ERICH6B: variants seen among roughly 807,000 people sequenced by gnomAD.
The protein encoded by ERICH6B is glutamate-rich protein 6B.
ERICH6B carries 69 observed loss-of-function variants against 80.0 expected under a neutral mutation model. The observed-to-expected ratio is 0.86, with a 90% confidence interval of 0.71 to 1.05. The LOEUF is 1.05. ERICH6B is among the 50% of genes least tolerant of loss of function. The probability of loss-of-function intolerance (pLI) is 0.00; values close to 1 mark genes in which losing one functional copy is unlikely to be tolerated. For synonymous variants in ERICH6B, 283 were observed against 291.9 expected, an observed-to-expected ratio of 0.97 and a Z score of 0.31; for missense variants, 754 against 796.1, an observed-to-expected ratio of 0.95 and a Z score of 0.64.
chr13:45,553,926 A>G (rs1392279916), intron 11 of ERICH6B, among the ~76,000 whole-genome samples: 1 of 152,194 alleles, frequency 6.6e-6, no homozygotes, highest in Non-Finnish European at 1.5e-5. Flanking sequence ...AAGTCAAGCT[A>G]TTTAACATAT....
intron 1 of ERICH6B, among the ~76,000 whole-genome samples, chr13:45,610,718 T>C (rs1449820849): frequency 6.6e-6 from 1 of 152,168 alleles, no homozygotes; most frequent in Non-Finnish European, 1.5e-5. Context: ...TGGTAAGAAT[T>C]TGTGCATCTA....
chr13:45,551,543 C>T (rs975785823), intron 11 of ERICH6B: 2 of 152,156 alleles, frequency 1.3e-5, no homozygotes, highest in African/African-American at 4.8e-5. Flanking sequence ...CCAGGCTCAG[C>T]TCTGCTTAAC....
chr13:45,554,219 T>C (rs1195097875), intron 11 of ERICH6B, among the ~76,000 whole-genome samples: 1 of 152,224 alleles, frequency 6.6e-6, no homozygotes, highest in South Asian at 2.1e-4. Context: ...CATAAAGTAT[T>C]TGACTTTCTG....
intron 5 of ERICH6B, among the ~76,000 whole-genome samples, chr13:45,582,148 A>T (rs1169022517): frequency 1.3e-5 from 2 of 152,200 alleles, no homozygotes; most frequent in African/African-American, 4.8e-5. Context: ...CGTAGTCTCC[A>T]GGTTACTGTC....
rs144518034 is a variant in ERICH6B at position 45,587,102 on chromosome 13, G to A, written c.817C>T (p.Gln273Ter). ...TAGCACCAGTCTGTCTGACTGGCCT[G>A]GCTCCTCCTGTACAATGTCAGAAGC... ...ELLLTLYRRS[Q>*]ASQTDWCYDR... is the part of the protein sequence containing the mutation. The change falls in exon 5 of 15, where the codon CAG becomes TAG. Residue 273 changes from glutamine (Q) to a stop codon, truncating the protein, a stop_gained. Coordinates refer to ENST00000298738, the MANE Select transcript of ERICH6B (RefSeq NM_182542.3). LOFTEE classifies it high-confidence loss of function. 1.3e-6 allele frequency: 2 copies of A among 1,551,714 alleles called. No individual in the cohort carries two copies. The highest frequency in any genetic ancestry group is 2.4e-5 in the South Asian group (2 of 84,052).
At chr13:45,592,101 C>A (rs1363361656) in intron 3 of ERICH6B, among the ~76,000 whole-genome samples, 1 of 152,210 alleles carries the variant, frequency 6.6e-6, no homozygotes, top group Non-Finnish European at 1.5e-5. Context: ...CACATGCCCT[C>A]TTTCTAGCTC....
At chr13:45,557,879 T>A (rs1186140623) in intron 11 of ERICH6B, among the ~76,000 whole-genome samples, 1 of 152,242 alleles carries the variant, frequency 6.6e-6, no homozygotes, top group Non-Finnish European at 1.5e-5. Flanking sequence ...CCTCCAGATT[T>A]GTTCTTTTTG....
At chr13:45,553,036 T>G in intron 11 of ERICH6B, 1 of 267,940 alleles carries the variant, frequency 3.7e-6, no homozygotes, top group Non-Finnish European at 7.5e-6. Context: ...TGTGAAGTCT[T>G]TAACTCAGTA....
chr13:45,556,601 C>T (rs1465154235), intron 11 of ERICH6B, among the ~76,000 whole-genome samples: 2 of 152,098 alleles, frequency 1.3e-5, no homozygotes, highest in East Asian at 3.9e-4. Context: ...ATTCTTATTC[C>T]TTTGCATCCT....
chr13:45,553,994 A>C (rs1874332856), intron 11 of ERICH6B, among the ~76,000 whole-genome samples: 1 of 152,182 alleles, frequency 6.6e-6, no homozygotes, highest in Admixed American at 6.5e-5. Context: ...CTCTCTTAGC[A>C]ATTTTCAGGT....
intron 1 of ERICH6B, among the ~76,000 whole-genome samples, chr13:45,614,394 G>A (rs1199616325): frequency 6.6e-6 from 1 of 152,116 alleles, no homozygotes; most frequent in Non-Finnish European, 1.5e-5. Context: ...ACTGTAGCCC[G>A]GCACCATGTC....
intron 7 of ERICH6B, 118 bp downstream of exon 7, chr13:45,579,815 C>T (rs1875579777): frequency 6.1e-6 from 6 of 979,686 alleles, no homozygotes; most frequent in African/African-American, 3.2e-5. Context: ...CCCTCAGTCC[C>T]CTCTGGGCCC....
chr13:45,570,216 C>T lies in ERICH6B; in HGVS notation c.1051-1765G>A, dbSNP rs77507283. Among the ~76,000 whole-genome samples, 1,072 of 152,146 alleles carry T rather than the reference C, an allele frequency of 7.0e-3. 8 individuals carry two copies. The highest frequency in any genetic ancestry group is 0.023 in the African/African-American group (958 of 41,486). On this transcript the variant is annotated intron_variant, in intron 8 of 14. Coordinates refer to ENST00000298738, the MANE Select transcript of ERICH6B (RefSeq NM_182542.3). ...ACCTCACTGATGAGGTCTCCCATGCCCAGAGACCTCTCCTGGGTTAATATC... is the reference window on the plus strand; with the variant it reads ...ACCTCACTGATGAGGTCTCCCATGCTCAGAGACCTCTCCTGGGTTAATATC...
chr13:45,570,044 AC>A (rs747881332), intron 8 of ERICH6B, among the ~76,000 whole-genome samples: 1 of 152,126 alleles, frequency 6.6e-6, no homozygotes, highest in Non-Finnish European at 1.5e-5. Context: ...ATGGCCGACC[AC>A]CTGGGTGGGT....
chr13:45,578,774 C>G (rs1440222984), intron 7 of ERICH6B, among the ~76,000 whole-genome samples: 3 of 152,166 alleles, frequency 2.0e-5, no homozygotes, highest in Non-Finnish European at 4.4e-5. Flanking sequence ...CAAATCTGGC[C>G]AGGCACGGTG....
chr13:45,600,317 G>C (rs1406518054), intron 2 of ERICH6B, among the ~76,000 whole-genome samples: 1 of 152,084 alleles, frequency 6.6e-6, no homozygotes, highest in African/African-American at 2.4e-5. Flanking sequence ...CCTTCTCCCA[G>C]ATTCATCTGT....
intron 8 of ERICH6B, among the ~76,000 whole-genome samples, chr13:45,571,588 A>G (rs1236793855): frequency 6.6e-6 from 1 of 152,206 alleles, no homozygotes; most frequent in Admixed American, 6.5e-5. Flanking sequence ...TAAGGATTCT[A>G]TTATGGTTGA....
intron 9 of ERICH6B, 144 bp downstream of exon 9, chr13:45,568,171 G>T (rs1360904518): frequency 2.3e-6 from 2 of 865,530 alleles, no homozygotes; most frequent in Non-Finnish European, 3.4e-6. Flanking sequence ...CCTGTGCTTG[G>T]CCTGTTCCTG....
At chr13:45,605,036 C>T (rs569314491) in intron 2 of ERICH6B, among the ~76,000 whole-genome samples, 1 of 152,094 alleles carries the variant, frequency 6.6e-6, no homozygotes, top group African/African-American at 2.4e-5. Context: ...CTCTTCCCAG[C>T]GTGCTCCCTG....
Sources: gnomAD v4.1 joint callset for allele counts (sites outside exome capture counted in the v4.1 genomes callset) on GRCh38, gnomAD v4.1.1 for gene constraint, MANE v1.5 for transcripts, NCBI Gene and HGNC (gene_info 2026-07-23, HGNC 2026-07-21) for gene names.